WWOX: variants seen among roughly 807,000 people sequenced by gnomAD.
The protein encoded by WWOX is WW domain-containing oxidoreductase.
WWOX carries 69 observed loss-of-function variants against 46.2 expected under a neutral mutation model. The observed-to-expected ratio is 1.49, with a 90% CI of 1.23 to 1.82. WWOX has a LOEUF of 1.82. Among genes scored for constraint, WWOX ranks in the 40% most tolerant of loss-of-function variants. The pLI, the probability that WWOX is intolerant of heterozygous loss-of-function variation, is 0.00. For synonymous variants in WWOX, 359 were observed against 202.6 expected, an observed-to-expected ratio of 1.77 and a Z score of -6.56; for missense variants, 919 against 542.6, an observed-to-expected ratio of 1.69 and a Z score of -6.89.
At chr16:78,520,632 G>A (rs1388337533) in intron 8 of WWOX, among the ~76,000 whole-genome samples, 2 of 152,020 alleles carry the variant, frequency 1.3e-5, no homozygotes, top group African/African-American at 4.8e-5. Flanking sequence ...GGGGTGGGGT[G>A]GGGCAGGGCA....
chr16:78,621,566 C>T (rs1179117184), intron 8 of WWOX, among the ~76,000 whole-genome samples: 1 of 134,630 alleles, frequency 7.4e-6, no homozygotes, highest in Non-Finnish European at 1.6e-5. Context: ...GATTCACTTG[C>T]ACCTTTAACC....
chr16:78,501,193 C>CTCTTTTTTTTTTTTTTTTTTTTTTTTT (rs1567609023), intron 8 of WWOX, among the ~76,000 whole-genome samples: 10 of 90,916 alleles, frequency 1.1e-4, no homozygotes, highest in Non-Finnish European at 2.0e-4. Context: ...CTTTCTTTCT[C>CTCTTTTTTTTTTTTTTTTTTTTTTTTT]TTTTTTTTTT....
chr16:78,626,056 C>T (rs189034657), intron 8 of WWOX, among the ~76,000 whole-genome samples: 47 of 151,878 alleles, frequency 3.1e-4, no homozygotes, highest in African/African-American at 1.1e-3. Flanking sequence ...ATCATATTGC[C>T]TTAGGTTTTT....
chr16:78,936,547 T>C (rs1314364267), intron 8 of WWOX, among the ~76,000 whole-genome samples: 1 of 152,144 alleles, frequency 6.6e-6, no homozygotes, highest in African/African-American at 2.4e-5. Context: ...TAAGCTGCTT[T>C]CTGGTAAGAA....
At chr16:78,994,710 GA>G (rs907255041) in intron 8 of WWOX, among the ~76,000 whole-genome samples, 4 of 152,186 alleles carry the variant, frequency 2.6e-5, no homozygotes, top group Admixed American at 6.5e-5. Context: ...TCAAAAGGGG[GA>G]AAAAACTCAT....
chr16:79,087,872 C>T (rs992826063), intron 8 of WWOX, among the ~76,000 whole-genome samples: 4 of 152,096 alleles, frequency 2.6e-5, no homozygotes, highest in East Asian at 1.9e-4. Context: ...GTTCAGGCCT[C>T]GGAAAGGACA....
At chr16:78,323,302 T>G (rs929502876) in intron 5 of WWOX, among the ~76,000 whole-genome samples, 1 of 152,132 alleles carries the variant, frequency 6.6e-6, no homozygotes, top group Non-Finnish European at 1.5e-5. Context: ...AAACGGGGTT[T>G]CACCATGTTA....
intron 8 of WWOX, among the ~76,000 whole-genome samples, chr16:78,914,852 C>T (rs1051367344): frequency 2.7e-5 from 4 of 149,250 alleles, no homozygotes; most frequent in Non-Finnish European, 5.9e-5. Context: ...GCACTCCCGC[C>T]CGGGTGACAG....
chr16:78,482,862 C>T (rs1275076441), intron 8 of WWOX, among the ~76,000 whole-genome samples: 2 of 152,008 alleles, frequency 1.3e-5, no homozygotes, highest in Admixed American at 6.6e-5. Context: ...AGCAAGAGGG[C>T]CAGGCACATA....
At chr16:78,108,912 C>G (rs1375768838) in intron 2 of WWOX, among the ~76,000 whole-genome samples, 1 of 152,132 alleles carries the variant, frequency 6.6e-6, no homozygotes, top group African/African-American at 2.4e-5. Flanking sequence ...TGCTCAAACC[C>G]AGGAGCTGGA....
At chr16:78,599,440 G>C (rs2045569622) in intron 8 of WWOX, among the ~76,000 whole-genome samples, 1 of 152,202 alleles carries the variant, frequency 6.6e-6, no homozygotes, top group Admixed American at 6.5e-5. Context: ...GGCCATGGCT[G>C]GGGAATTGGC....
intron 8 of WWOX, among the ~76,000 whole-genome samples, chr16:78,514,298 T>G (rs2085435758): frequency 6.6e-6 from 1 of 152,248 alleles, no homozygotes; most frequent in Admixed American, 6.5e-5. Flanking sequence ...AATAAGCACA[T>G]TAATTATGTG....
chr16:79,070,268 ATGTGTGTGTGTGTGTGTG>A (rs4035490), intron 8 of WWOX, among the ~76,000 whole-genome samples: 2 of 145,094 alleles, frequency 1.4e-5, no homozygotes, highest in African/African-American at 2.6e-5. Context: ...TGTGTTTCTG[ATGTGTGTGTGTGTGTGTG>A]TGTGTGTGTG....
chr16:79,085,465 G>A (rs1353123849), intron 8 of WWOX, among the ~76,000 whole-genome samples: 1 of 152,046 alleles, frequency 6.6e-6, no homozygotes, highest in Admixed American at 6.6e-5. Flanking sequence ...GGCCGATGTG[G>A]GCACAGCCTC....
chr16:78,453,446 T>C (rs1240836309), intron 8 of WWOX, among the ~76,000 whole-genome samples: 1 of 152,014 alleles, frequency 6.6e-6, no homozygotes, highest in East Asian at 1.9e-4. Flanking sequence ...AAATTTCTTA[T>C]TCAGTTGATT....
chr16:79,042,996 C>G (rs16949384), intron 8 of WWOX, among the ~76,000 whole-genome samples: 3,504 of 152,192 alleles, frequency 0.023, 143 homozygotes, highest in African/African-American at 0.08. Flanking sequence ...CACTCTTGGT[C>G]TTGTCTTTGA....
intron 8 of WWOX, among the ~76,000 whole-genome samples, chr16:78,666,196 G>A (rs992849213): frequency 3.3e-5 from 5 of 152,034 alleles, no homozygotes; most frequent in African/African-American, 1.2e-4. Flanking sequence ...CTAAGGCAGG[G>A]GGATTGTTGG....
intron 8 of WWOX, among the ~76,000 whole-genome samples, chr16:78,862,209 C>T (rs1403723153): frequency 7.2e-6 from 1 of 139,222 alleles, no homozygotes; most frequent in Middle Eastern, 3.5e-3. Context: ...TCTTTACACA[C>T]CTATGGGTGT....
At chr16:78,885,893 A>C (rs1212935398) in intron 8 of WWOX, among the ~76,000 whole-genome samples, 1 of 151,810 alleles carries the variant, frequency 6.6e-6, no homozygotes, top group Non-Finnish European at 1.5e-5. Context: ...GTTGAGTTTT[A>C]ATCACATCCA....
Sources: allele counts gnomAD v4.1 joint callset (sites outside exome capture counted in the v4.1 genomes callset), GRCh38; gene constraint gnomAD v4.1.1; transcripts MANE v1.5; gene names NCBI Gene and HGNC (gene_info 2026-07-23, HGNC 2026-07-21).